LYPD6: variants seen among roughly 807,000 people sequenced by gnomAD.
LYPD6 encodes the protein LY6/PLAUR domain containing 6.
Under a neutral mutation model 22.7 loss-of-function variants are expected in LYPD6, and 15 were observed. The observed-to-expected ratio is 0.66, with a 90% CI of 0.44 to 1.02. The LOEUF is 1.02. Ranked by LOEUF, LYPD6 falls within the 50% of genes least tolerant of loss-of-function variation. The probability of loss-of-function intolerance (pLI) is 0.00; values close to 1 mark genes in which losing one functional copy is unlikely to be tolerated. For missense variants in LYPD6, 189 were observed against 208.4 expected, an observed-to-expected ratio of 0.91 and a Z score of 0.57; for synonymous variants, 72 against 77.5, an observed-to-expected ratio of 0.93 and a Z score of 0.37.
intron 1 of LYPD6, among the ~76,000 whole-genome samples, chr2:149,400,611 G>A (rs1044271239): frequency 1.0e-5 from 1 of 97,638 alleles, no homozygotes; most frequent in Non-Finnish European, 2.0e-5. Context: ...ACTAAATGTC[G>A]TATATAAACT....
intron 1 of LYPD6, among the ~76,000 whole-genome samples, chr2:149,411,617 T>A (rs1344947950): frequency 6.6e-6 from 1 of 152,208 alleles, no homozygotes; most frequent in East Asian, 1.9e-4. Flanking sequence ...CTCACTCACA[T>A]GATATGATTG....
intron 1 of LYPD6, among the ~76,000 whole-genome samples, chr2:149,362,422 G>T (rs867982704): frequency 6.6e-6 from 1 of 152,136 alleles, no homozygotes; most frequent in Non-Finnish European, 1.5e-5. Context: ...GTGGATAGTT[G>T]TGGAGAAATA....
At chr2:149,404,932 T>G (rs530695407) in intron 1 of LYPD6, among the ~76,000 whole-genome samples, 17 of 152,294 alleles carry the variant, frequency 1.1e-4, no homozygotes, top group Admixed American at 9.2e-4. Context: ...GATTGAGAGT[T>G]TTTAGCATGA....
At chr2:149,359,063 T>C (rs1681520872) in intron 1 of LYPD6, among the ~76,000 whole-genome samples, 1 of 152,196 alleles carries the variant, frequency 6.6e-6, no homozygotes, top group African/African-American at 2.4e-5. Context: ...AATTTTTCAG[T>C]ATCAAATTTT....
chr2:149,352,061 A>G (rs1573735272), intron 1 of LYPD6, among the ~76,000 whole-genome samples: 1 of 151,872 alleles, frequency 6.6e-6, no homozygotes, highest in East Asian at 1.9e-4. Context: ...ACATTCTGCC[A>G]CTCTCACTTG....
intron 1 of LYPD6, among the ~76,000 whole-genome samples, chr2:149,354,122 A>C (rs949505416): frequency 6.6e-6 from 1 of 152,286 alleles, no homozygotes; most frequent in Middle Eastern, 3.4e-3. Context: ...ACTGGTGGAT[A>C]AGGCATGAGA....
intron 3 of LYPD6, among the ~76,000 whole-genome samples, chr2:149,458,567 T>G (rs547615876): frequency 3.3e-5 from 5 of 152,066 alleles, no homozygotes; most frequent in Non-Finnish European, 5.9e-5. Context: ...ACCAGGAAGA[T>G]CTCAAACTGA....
intron 1 of LYPD6, among the ~76,000 whole-genome samples, chr2:149,414,378 T>C (rs1161977620): frequency 2.0e-5 from 3 of 152,238 alleles, no homozygotes; most frequent in African/African-American, 7.2e-5. Context: ...TTAAAATCTT[T>C]CTTTGGAAAT....
At chr2:149,343,308 A>G (rs1374858472) in intron 1 of LYPD6, among the ~76,000 whole-genome samples, 2 of 152,186 alleles carry the variant, frequency 1.3e-5, no homozygotes, top group African/African-American at 4.8e-5. Flanking sequence ...TAATAAAGAA[A>G]GTATCATCTA....
At chr2:149,485,913 A>AG in the LYPD6 span, among the ~76,000 whole-genome samples, 2 of 152,292 alleles carry the variant, frequency 1.3e-5, no homozygotes, top group South Asian at 2.1e-4. Context: ...GCCAGACCTC[A>AG]GGGTCACCAA....
chr2:149,341,984 G>T (rs1681169542), intron 1 of LYPD6, among the ~76,000 whole-genome samples: 1 of 152,158 alleles, frequency 6.6e-6, no homozygotes, highest in East Asian at 1.9e-4. Flanking sequence ...ATGACAAACT[G>T]TTACCTAATT....
chr2:149,424,682 C>T (rs536975985), intron 1 of LYPD6, among the ~76,000 whole-genome samples: 4 of 152,200 alleles, frequency 2.6e-5, no homozygotes, highest in African/African-American at 9.6e-5. Context: ...TGAAGGAAAC[C>T]AAGGATGACA....
At chr2:149,409,565 A>G (rs1317410543) in intron 1 of LYPD6, among the ~76,000 whole-genome samples, 1 of 151,978 alleles carries the variant, frequency 6.6e-6, no homozygotes, top group African/African-American at 2.4e-5. Context: ...AAAGACCACC[A>G]GGTTGGGGCA....
intron 1 of LYPD6, among the ~76,000 whole-genome samples, chr2:149,374,938 C>T (rs901318086): frequency 6.6e-6 from 1 of 152,182 alleles, no homozygotes; most frequent in East Asian, 1.9e-4. Flanking sequence ...CAACTTCACT[C>T]CCACTATTTG....
At chr2:149,351,930 G>A (rs921354271) in intron 1 of LYPD6, among the ~76,000 whole-genome samples, 1 of 152,056 alleles carries the variant, frequency 6.6e-6, no homozygotes, top group East Asian at 1.9e-4. Flanking sequence ...TGAAGAAGTT[G>A]GCCACAGTCT....
At chr2:149,441,552 T>G (rs1683568624) in intron 2 of LYPD6, among the ~76,000 whole-genome samples, 1 of 152,208 alleles carries the variant, frequency 6.6e-6, no homozygotes. Context: ...TCTGAACATT[T>G]AAAAGAAAGA....
At chr2:149,484,702 A>T in the LYPD6 span, among the ~76,000 whole-genome samples, 1 of 152,196 alleles carries the variant, frequency 6.6e-6, no homozygotes, top group Admixed American at 6.5e-5. Flanking sequence ...AGAAACGAAC[A>T]TTCCAGCTCA....
At chr2:149,347,413 C>T (rs1681278262) in intron 1 of LYPD6, among the ~76,000 whole-genome samples, 1 of 152,030 alleles carries the variant, frequency 6.6e-6, no homozygotes, top group Non-Finnish European at 1.5e-5. Context: ...GGAACAGGCT[C>T]CTCATCTCTC....
At chr2:149,331,701 C>T (rs901215206) in intron 1 of LYPD6, among the ~76,000 whole-genome samples, 2 of 152,150 alleles carry the variant, frequency 1.3e-5, no homozygotes, top group African/African-American at 4.8e-5. Context: ...ACAGCATTGA[C>T]CTCCCAGAGC....
Sources: allele counts gnomAD v4.1 joint callset (sites outside exome capture counted in the v4.1 genomes callset), GRCh38; gene constraint gnomAD v4.1.1; transcripts MANE v1.5; gene names NCBI Gene and HGNC (gene_info 2026-07-23, HGNC 2026-07-21).